The following SORBS2 variants were observed in gnomAD, a reference collection of about 807,000 sequenced individuals.
SORBS2 encodes the protein sorbin and SH3 domain containing 2, also known as sorbin and SH3 domain-containing protein 2.
A neutral mutation model predicts 97.7 loss-of-function variants in SORBS2; 46 were observed. The ratio of observed to expected loss-of-function variants is 0.47; its 90% CI spans 0.37 to 0.60. The LOEUF (loss-of-function observed/expected upper bound fraction) is 0.60, where lower values mean the gene tolerates loss of function less well. Among genes scored for constraint, SORBS2 ranks in the 20% least tolerant of loss-of-function variants. The pLI, the probability that SORBS2 is intolerant of heterozygous loss-of-function variation, is 0.00. For missense variants in SORBS2, 1,316 were observed against 1,282.3 expected (o/e 1.03, Z -0.40); for synonymous variants, 476 against 473.4 (o/e 1.01, Z -0.07).
At chr4:185,809,455 C>CAAAA (rs55713465) in intron 1 of SORBS2, among the ~76,000 whole-genome samples, 6,618 of 47,258 alleles carry the variant, frequency 0.14, 2,281 homozygotes, top group Middle Eastern at 0.22. Context: ...ACTGCATTTG[C>CAAAA]AAAAAAAAAA....
At chr4:185,696,160 T>A (rs755968728) in intron 2 of SORBS2, among the ~76,000 whole-genome samples, 10 of 152,358 alleles carry the variant, frequency 6.6e-5, no homozygotes, top group Admixed American at 2.0e-4. Flanking sequence ...TAATTTTTTA[T>A]GAGAATACGC....
At chr4:185,585,821 A>G (rs2095795511) in exon 15 of SORBS2, 1 of 152,268 alleles carries the variant, frequency 6.6e-6, no homozygotes, top group South Asian at 2.1e-4. Context: ...CTTGACAGAA[A>G]TCAAGGTAGG....
chr4:185,631,343 A>C (rs879100470), intron 4 of SORBS2, among the ~76,000 whole-genome samples: 1 of 152,240 alleles, frequency 6.6e-6, no homozygotes, highest in Admixed American at 6.5e-5. Context: ...AGTAAGCAAA[A>C]ATGATAATAT....
chr4:185,805,191 A>G (rs1449725278), intron 1 of SORBS2, among the ~76,000 whole-genome samples: 2 of 151,866 alleles, frequency 1.3e-5, no homozygotes, highest in Non-Finnish European at 1.5e-5. Context: ...TTTCTGTCTT[A>G]TATAATTGTT....
At chr4:185,816,980 G>A in intron 1 of SORBS2, among the ~76,000 whole-genome samples, 1 of 152,190 alleles carries the variant, frequency 6.6e-6, no homozygotes, top group East Asian at 1.9e-4. Flanking sequence ...AGAGGAATAA[G>A]GAAAATGTGG....
At chr4:185,850,529 A>G (rs140717572) in intron 1 of SORBS2, among the ~76,000 whole-genome samples, 1 of 152,302 alleles carries the variant, frequency 6.6e-6, no homozygotes, top group African/African-American at 2.4e-5. Flanking sequence ...CTCCTACATC[A>G]AAATAGGGAC....
chr4:185,926,195 T>C (rs1224957878), intron 1 of SORBS2, among the ~76,000 whole-genome samples: 1 of 152,190 alleles, frequency 6.6e-6, no homozygotes, highest in African/African-American at 2.4e-5. Flanking sequence ...GTGGGCGTGG[T>C]CTAATTTGCA....
At position 185,771,535 on chromosome 4, in the gene SORBS2, A is replaced by C. The variant is rs561911695; in HGVS notation, c.-198+3692T>G. The C allele has an allele frequency of 3.9e-5, 6 of 152,336 alleles. No individual in the cohort carries two copies. In the East Asian group the frequency reaches 1.2e-3, roughly 29 times the overall value. The allele number at this position is 152,336 out of a possible 1,614,324, so 9.4% of individuals were successfully genotyped here. On this transcript the variant is annotated intron_variant, in intron 2 of 20. Coordinates refer to the SORBS2 transcript ENST00000284776. ...GCCAGTGCTAAAAAGCAGCTTCTAC[A>C]TATGGCACTTCCAAATTGTGTTATT...
chr4:185,644,349 T>G (rs112029290), intron 4 of SORBS2, among the ~76,000 whole-genome samples: 3,074 of 152,344 alleles, frequency 0.02, 61 homozygotes, highest in Admixed American at 0.068. Context: ...CTACTGGTCC[T>G]GTGTGGTAAC....
At chr4:185,909,327 G>C (rs975426235) in intron 1 of SORBS2, among the ~76,000 whole-genome samples, 1 of 152,166 alleles carries the variant, frequency 6.6e-6, no homozygotes, top group Non-Finnish European at 1.5e-5. Flanking sequence ...GTAAGTGGGA[G>C]CTAAATAATG....
At chr4:185,798,192 T>C (rs1224720964) in intron 1 of SORBS2, among the ~76,000 whole-genome samples, 1 of 152,160 alleles carries the variant, frequency 6.6e-6, no homozygotes, top group East Asian at 1.9e-4. Flanking sequence ...CCCTACACAA[T>C]TAGAATACAT....
At chr4:185,721,963 G>A (rs2098518197) in intron 2 of SORBS2, among the ~76,000 whole-genome samples, 1 of 152,170 alleles carries the variant, frequency 6.6e-6, no homozygotes, top group Non-Finnish European at 1.5e-5. Context: ...GTAGCAAAAT[G>A]TAGTCAAGGA....
chr4:185,949,166 C>A (rs889409570), intron 1 of SORBS2, among the ~76,000 whole-genome samples: 8 of 152,160 alleles, frequency 5.3e-5, no homozygotes, highest in African/African-American at 1.9e-4. Context: ...GCAGACTAAA[C>A]CACATGTGAT....
chr4:185,606,958 C>T lies in SORBS2; in HGVS notation c.2796+4822G>A, dbSNP rs2153394141. ...CATTTTTCTCAACTCTGCAAAGTTG[C>T]TTTGAGTTGTCGTTCTGGGATCCTG... On this transcript the variant is annotated intron_variant, in intron 12 of 14. Coordinates refer to ENST00000418609, the Ensembl canonical transcript of SORBS2. This position sits in a 1 kb window ranked among gnomAD's most constrained non-coding sequence, Gnocchi z 4.3. 5 of 993,052 alleles carry T rather than the reference C, an allele frequency of 5.0e-6. No individual in the cohort carries two copies. The highest frequency in any genetic ancestry group is 6.0e-6 in the Non-Finnish European group (5 of 834,314). The allele number at this position is 993,052 out of a possible 1,614,324, so 61.5% of individuals were successfully genotyped here.
intron 1 of SORBS2, among the ~76,000 whole-genome samples, chr4:185,839,255 A>C (rs1300659012): frequency 6.6e-6 from 1 of 152,228 alleles, no homozygotes; most frequent in Non-Finnish European, 1.5e-5. Context: ...CTCTGACTTA[A>C]CCTCAGCCGC....
chr4:185,723,687 T>C (rs576335977), intron 2 of SORBS2, among the ~76,000 whole-genome samples: 12 of 152,338 alleles, frequency 7.9e-5, no homozygotes, highest in African/African-American at 2.9e-4. Flanking sequence ...TAACAGCTTT[T>C]GAAGTTTTGT....
chr4:185,659,717 G>T (rs1274398497), upstream of SORBS2, among the ~76,000 whole-genome samples: 3 of 152,088 alleles, frequency 2.0e-5, no homozygotes, highest in African/African-American at 7.2e-5. Flanking sequence ...CACCGCGCCC[G>T]GCTAAGCTAG....
chr4:185,797,409 T>G (rs535230127), intron 1 of SORBS2, among the ~76,000 whole-genome samples: 1 of 152,356 alleles, frequency 6.6e-6, no homozygotes, highest in South Asian at 2.1e-4. Context: ...CCCACAAATA[T>G]GATCATTACT....
chr4:185,739,199 T>C (rs2098707310), intron 2 of SORBS2, among the ~76,000 whole-genome samples: 1 of 152,274 alleles, frequency 6.6e-6, no homozygotes, highest in Non-Finnish European at 1.5e-5. Flanking sequence ...TTTTCTTTTT[T>C]ACCAGTTAAA....
Sources: allele counts gnomAD v4.1 joint callset (sites outside exome capture counted in the v4.1 genomes callset), GRCh38; gene constraint gnomAD v4.1.1; non-coding constraint Gnocchi (gnomAD v3.1); transcripts MANE v1.5; gene names NCBI Gene and HGNC (gene_info 2026-07-23, HGNC 2026-07-21).